The following STX18 variants were observed in gnomAD, a reference collection of about 807,000 sequenced individuals.
STX18 encodes syntaxin-18.
Under a neutral mutation model 50.1 loss-of-function variants are expected in STX18, and 40 were observed. The ratio of observed to expected loss-of-function variants is 0.80; its 90% confidence interval spans 0.62 to 1.04. The LOEUF (loss-of-function observed/expected upper bound fraction) is 1.04, where lower values mean the gene tolerates loss of function less well. Ranked by LOEUF, STX18 falls within the 50% of genes least tolerant of loss-of-function variation. The pLI, the probability that STX18 is intolerant of heterozygous loss-of-function variation, is 0.00. For missense variants in STX18, 410 were observed against 415.8 expected, an observed-to-expected ratio of 0.99 and a Z score of 0.12; for synonymous variants, 158 against 151.8, an observed-to-expected ratio of 1.04 and a Z score of -0.30.
intron 1 of STX18, among the ~76,000 whole-genome samples, chr4:4,483,964 T>C (rs914034203): frequency 9.2e-5 from 14 of 151,994 alleles, no homozygotes; most frequent in African/African-American, 3.4e-4. Flanking sequence ...CAGGTTCAAG[T>C]GATTCTCCTG....
chr4:4,438,301 G>T, intron 6 of STX18, 93 bp downstream of exon 6: 1 of 960,556 alleles, frequency 1.0e-6, no homozygotes, highest in Non-Finnish European at 1.6e-6. Context: ...ACCAAAACAT[G>T]TCTGAGACTG....
intron 5 of STX18, among the ~76,000 whole-genome samples, chr4:4,449,320 G>A (rs1726620674): frequency 6.6e-6 from 1 of 151,854 alleles, no homozygotes; most frequent in Non-Finnish European, 1.5e-5. Context: ...CAAAGTGCTG[G>A]GATTATAGGT....
intron 4 of STX18, 74 bp downstream of exon 4, chr4:4,457,349 A>T: frequency 6.4e-7 from 1 of 1,560,270 alleles, no homozygotes; most frequent in East Asian, 2.2e-5. Flanking sequence ...TACAGTCTTC[A>T]GCTAGCAAAG....
chr4:4,430,373 G>A (rs1327352186), intron 7 of STX18, among the ~76,000 whole-genome samples: 5 of 152,172 alleles, frequency 3.3e-5, no homozygotes, highest in African/African-American at 9.7e-5. Flanking sequence ...TAAGATTTGA[G>A]TTAGTCAGAC....
intron 1 of STX18, among the ~76,000 whole-genome samples, chr4:4,494,257 T>C (rs1379299944): frequency 1.3e-5 from 2 of 152,248 alleles, no homozygotes; most frequent in East Asian, 1.9e-4. Context: ...GGGCTCACAG[T>C]GTACCCTTGG....
intron 9 of STX18, among the ~76,000 whole-genome samples, chr4:4,421,694 A>C (rs985891087): frequency 6.6e-6 from 1 of 152,182 alleles, no homozygotes; most frequent in Admixed American, 6.5e-5. Context: ...CTAGTCTCTC[A>C]TTTCTTTCTG....
chr4:4,463,580 T>C (rs1216197029), intron 2 of STX18, among the ~76,000 whole-genome samples: 2 of 152,286 alleles, frequency 1.3e-5, no homozygotes, highest in South Asian at 2.1e-4. Context: ...AGTTAATAAG[T>C]GATTTGTATG....
chr4:4,473,370 G>C (rs1481296379), intron 1 of STX18, among the ~76,000 whole-genome samples: 3 of 149,520 alleles, frequency 2.0e-5, no homozygotes, highest in African/African-American at 7.4e-5. Context: ...TCGGCTCAGT[G>C]CAAGCTCCAC....
rs553029523 is a variant in STX18, at chr4:4,471,048, T to A, written c.236+591A>T. ...GATGAACAGAAGGATTCAGCAAAAG[T>A]GCCGTAAGAAATGAAGGCTATGCCA... On this transcript the variant is annotated intron_variant, in intron 2 of 10. Coordinates refer to ENST00000306200, the MANE Select transcript of STX18 (RefSeq NM_016930.4). Among the ~76,000 whole-genome samples the A allele has an allele frequency of 1.1e-3, 164 of 152,190 alleles. No individual in the cohort carries two copies. The Middle Eastern group carries it at 0.034, about 32-fold the overall frequency.
intron 7 of STX18, among the ~76,000 whole-genome samples, chr4:4,427,221 C>G (rs1447511232): frequency 6.6e-6 from 1 of 152,202 alleles, no homozygotes; most frequent in Non-Finnish European, 1.5e-5. Flanking sequence ...TCCAGACCCA[C>G]CGGGCCAGAA....
chr4:4,534,420 CTCTT>C (rs931074064), intron 1 of STX18, among the ~76,000 whole-genome samples: 14 of 152,306 alleles, frequency 9.2e-5, no homozygotes, highest in African/African-American at 3.4e-4. Flanking sequence ...CTACCTCCTC[CTCTT>C]TCTATTTCCA....
intron 5 of STX18, among the ~76,000 whole-genome samples, chr4:4,450,286 T>C (rs902221800): frequency 2.6e-5 from 4 of 152,192 alleles, no homozygotes; most frequent in African/African-American, 9.6e-5. Flanking sequence ...TTTTCCCCTT[T>C]CACTTCTCCT....
At chr4:4,482,090 A>AGGTT (rs1728490393) in intron 1 of STX18, among the ~76,000 whole-genome samples, 1 of 152,070 alleles carries the variant, frequency 6.6e-6, no homozygotes, top group South Asian at 2.1e-4. Context: ...CCAGAACACC[A>AGGTT]CTGTCTCTAG....
chr4:4,510,290 A>G (rs554732722), intron 1 of STX18, among the ~76,000 whole-genome samples: 3 of 152,332 alleles, frequency 2.0e-5, no homozygotes, highest in Non-Finnish European at 4.4e-5. Context: ...CCCCAGTCAT[A>G]GTTTTTTAAA....
intron 5 of STX18, among the ~76,000 whole-genome samples, chr4:4,439,554 A>G (rs1472326162): frequency 7.0e-6 from 1 of 143,648 alleles, no homozygotes; most frequent in Non-Finnish European, 1.5e-5. Context: ...AGAAACACAC[A>G]CATATATACC....
chr4:4,505,313 A>G (rs1182227349), intron 1 of STX18, among the ~76,000 whole-genome samples: 1 of 152,218 alleles, frequency 6.6e-6, no homozygotes, highest in Admixed American at 6.5e-5. Flanking sequence ...TTACAGATGT[A>G]TTTACCTACA....
At chr4:4,518,711 A>T (rs1363821004) in intron 1 of STX18, among the ~76,000 whole-genome samples, 1 of 152,208 alleles carries the variant, frequency 6.6e-6, no homozygotes, top group Non-Finnish European at 1.5e-5. Context: ...AAGTCACAGA[A>T]AACATATCTT....
intron 1 of STX18, among the ~76,000 whole-genome samples, chr4:4,492,595 G>C (rs1172486217): frequency 6.6e-6 from 1 of 152,062 alleles, no homozygotes; most frequent in Non-Finnish European, 1.5e-5. Flanking sequence ...ATTTTTCAGC[G>C]TGCCTTAGTA....
At chr4:4,463,898 A>G (rs1727500463) in intron 2 of STX18, among the ~76,000 whole-genome samples, 1 of 152,222 alleles carries the variant, frequency 6.6e-6, no homozygotes, top group African/African-American at 2.4e-5. Context: ...TAAAAGCATA[A>G]AATTGCCTAT....
Sources: allele counts gnomAD v4.1 joint callset (sites outside exome capture counted in the v4.1 genomes callset), GRCh38; gene constraint gnomAD v4.1.1; transcripts MANE v1.5; gene names NCBI Gene and HGNC (gene_info 2026-07-23, HGNC 2026-07-21).